Variants in NAV3 observed in about 807,000 individuals in gnomAD.
The protein encoded by NAV3 is pore membrane and/or filament interacting like protein 1.
In NAV3, 87 loss-of-function variants were observed where a neutral mutation model predicts 244.7. The ratio of observed to expected loss-of-function variants is 0.36; its 90% CI spans 0.30 to 0.42. NAV3 has a LOEUF of 0.42. Ranked by LOEUF, NAV3 falls within the 20% of genes least tolerant of loss-of-function variation. NAV3 has a pLI of 1.00. For missense variants in NAV3, 2,663 were observed against 2,893.3 expected (o/e 0.92, Z 1.83); for synonymous variants, 1,126 against 1,042.2 (o/e 1.08, Z -1.55).
rs368600379 is a variant in NAV3 at position 78,210,387 on chromosome 12, T to C, written c.7039-11T>C. 33 of 1,613,392 alleles carry C rather than the reference T, an allele frequency of 2.0e-5. No individual in the cohort carries two copies. The highest frequency in any genetic ancestry group is 2.6e-5 in the Non-Finnish European group (31 of 1,179,730). ...TCATTGCCTACATCGATGTCTTTTT[T>C]CTTTCTTCAGATGAATATGCTAATG... On this transcript the variant is annotated splice_polypyrimidine_tract_variant and intron_variant, in intron 39 of 39. Transcript: ENST00000397909.
rs748325147 is a variant in NAV3, at chr12:78,188,788, T to TAA, written c.6055+12_6055+13dup. 5.0e-6 allele frequency: 8 copies of TAA among 1,606,768 alleles called. No homozygotes were observed. The highest frequency in any genetic ancestry group is 6.8e-6 in the Non-Finnish European group (8 of 1,176,006). ...CTGTGAACCTCAAAGGTAAAAGCAA[T>TAA]AATGAAAAGCAAGGCAGAAATATAA... On this transcript the variant is annotated intron_variant, in intron 33 of 39. Coordinates refer to ENST00000397909, the MANE Select transcript of NAV3 (RefSeq NM_001024383.2).
chr12:77,687,199 T>G (rs1874794834), intron 2 of NAV3, among the ~76,000 whole-genome samples: 1 of 152,156 alleles, frequency 6.6e-6, no homozygotes, highest in Non-Finnish European at 1.5e-5. Flanking sequence ...GTGGCTGTTG[T>G]GCAGCATTCT....
chr12:77,611,874 T>G (rs1202164097), intron 2 of NAV3, among the ~76,000 whole-genome samples: 1 of 152,076 alleles, frequency 6.6e-6, no homozygotes, highest in East Asian at 1.9e-4. Context: ...CTTTAATATA[T>G]TGATTGAATA....
At chr12:78,003,068 C>A (rs559441707) in intron 7 of NAV3, among the ~76,000 whole-genome samples, 11 of 150,848 alleles carry the variant, frequency 7.3e-5, no homozygotes, top group Admixed American at 2.7e-4. Flanking sequence ...TAAGCATGTG[C>A]AGAATGAACA....
chr12:77,780,480 A>T (rs1870609358), intron 2 of NAV3, among the ~76,000 whole-genome samples: 1 of 152,240 alleles, frequency 6.6e-6, no homozygotes, highest in Admixed American at 6.5e-5. Flanking sequence ...AAAGGTCAAG[A>T]TTATACAACA....
intron 2 of NAV3, among the ~76,000 whole-genome samples, chr12:77,743,714 C>G (rs1868393083): frequency 6.6e-6 from 1 of 151,770 alleles, no homozygotes; most frequent in Non-Finnish European, 1.5e-5. Flanking sequence ...AATAGTACAT[C>G]TATATGATTC....
chr12:78,124,886 G>A (rs901509408), intron 16 of NAV3, among the ~76,000 whole-genome samples: 3 of 152,108 alleles, frequency 2.0e-5, no homozygotes, highest in African/African-American at 7.2e-5. Flanking sequence ...ATGCATTAAT[G>A]AATATTAAGC....
chr12:77,959,202 G>A lies in NAV3; in HGVS notation c.415-7027G>A, dbSNP rs188029787. Among the ~76,000 whole-genome samples the A allele has an allele frequency of 1.4e-4, 22 of 152,240 alleles. No individual in the cohort carries two copies. In the East Asian group the frequency reaches 3.5e-3, roughly 24 times the overall value. On this transcript the variant is annotated intron_variant, in intron 3 of 39. Coordinates refer to ENST00000397909, the MANE Select transcript of NAV3 (RefSeq NM_001024383.2). ...TTGGAATCACCTGCAGATTTGTAAT[G>A]TATAATGAAACTGGCTTCTATCTGC...
At chr12:77,989,505 G>A (rs1214472310) in intron 5 of NAV3, among the ~76,000 whole-genome samples, 2 of 152,092 alleles carry the variant, frequency 1.3e-5, no homozygotes, top group Non-Finnish European at 2.9e-5. Context: ...GTCTTCCAAG[G>A]AGTCCAAGTT....
intron 2 of NAV3, among the ~76,000 whole-genome samples, chr12:77,691,337 GTA>G (rs1182535904): frequency 6.7e-5 from 7 of 104,244 alleles, no homozygotes; most frequent in Admixed American, 2.4e-4. Flanking sequence ...GTGTATGTGT[GTA>G]TATATATATA....
chr12:77,899,473 C>G (rs960660921), intron 1 of NAV3, among the ~76,000 whole-genome samples: 5 of 152,220 alleles, frequency 3.3e-5, no homozygotes, highest in Non-Finnish European at 5.9e-5. Context: ...TTACAATTCC[C>G]TGAAGCCTCA....
chr12:77,606,098 A>G (rs1019589952), intron 2 of NAV3, among the ~76,000 whole-genome samples: 1 of 152,162 alleles, frequency 6.6e-6, no homozygotes, highest in Non-Finnish European at 1.5e-5. Context: ...AAAACCTCAT[A>G]GGTAAAAATG....
chr12:78,002,831 A>ATATATC (rs1345356015), intron 7 of NAV3, among the ~76,000 whole-genome samples: 1 of 151,928 alleles, frequency 6.6e-6, no homozygotes, highest in Non-Finnish European at 1.5e-5. Context: ...AAATATATGT[A>ATATATC]TATATCTATA....
chr12:78,167,470 GC>G (rs1957826668), intron 23 of NAV3, among the ~76,000 whole-genome samples: 1 of 151,336 alleles, frequency 6.6e-6, no homozygotes, highest in Admixed American at 6.6e-5. Flanking sequence ...TATATGAGGT[GC>G]CAGGTATCTA....
intron 2 of NAV3, among the ~76,000 whole-genome samples, chr12:77,694,267 C>T (rs1437242271): frequency 1.3e-5 from 2 of 151,336 alleles, no homozygotes; most frequent in African/African-American, 2.4e-5. Flanking sequence ...GAGATGGAGA[C>T]CATCCTGGCT....
intron 34 of NAV3, among the ~76,000 whole-genome samples, chr12:78,195,593 G>C (rs962269739): frequency 4.6e-5 from 7 of 151,940 alleles, no homozygotes; most frequent in African/African-American, 7.2e-5. Flanking sequence ...AGCAGGATGT[G>C]CCAGTTGGAA....
At chr12:78,202,386 A>G (rs1215647995) in intron 38 of NAV3, among the ~76,000 whole-genome samples, 1 of 152,120 alleles carries the variant, frequency 6.6e-6, no homozygotes, top group African/African-American at 2.4e-5. Flanking sequence ...TTACTAATAG[A>G]AAGCAAAGGA....
intron 3 of NAV3, among the ~76,000 whole-genome samples, chr12:77,965,495 T>C (rs1043209676): frequency 3.9e-5 from 6 of 152,160 alleles, no homozygotes; most frequent in Non-Finnish European, 8.8e-5. Context: ...GGCGTGCGCC[T>C]GTAGTCCCAG....
intron 1 of NAV3, among the ~76,000 whole-genome samples, chr12:77,846,610 A>G (rs1412442461): frequency 6.6e-6 from 1 of 152,122 alleles, no homozygotes; most frequent in Non-Finnish European, 1.5e-5. Flanking sequence ...ATAATAGTCT[A>G]ATTATTAGTT....
Sources: allele counts gnomAD v4.1 joint callset (sites outside exome capture counted in the v4.1 genomes callset), GRCh38; gene constraint gnomAD v4.1.1; transcripts MANE v1.5; gene names NCBI Gene and HGNC (gene_info 2026-07-23, HGNC 2026-07-21).